The following CHD3 variants were observed in gnomAD, a reference collection of about 807,000 sequenced individuals.
CHD3 encodes chromodomain helicase DNA binding protein 3.
CHD3 carries 52 observed loss-of-function variants against 248.9 expected under a neutral mutation model. The ratio of observed to expected loss-of-function variants is 0.21; its 90% confidence interval spans 0.17 to 0.26. The LOEUF (loss-of-function observed/expected upper bound fraction) is 0.26, where lower values mean the gene tolerates loss of function less well. Among genes scored for constraint, CHD3 ranks in the 10% least tolerant of loss-of-function variants. The pLI is 1.00. For missense variants in CHD3, 1,482 were observed against 2,605.8 expected, an observed-to-expected ratio of 0.57 and a Z score of 9.39; for synonymous variants, 985 against 985.2, an observed-to-expected ratio of 1.00 and a Z score of 0.00.
In CHD3 at chr17:7,900,648, G is replaced by A. The variant is rs1220056044; in HGVS notation, c.2895G>A (p.Leu965=). 1 of 1,614,108 alleles carries A rather than the reference G, an allele frequency of 6.2e-7. No individual in the cohort carries two copies. Among genetic ancestry groups the A allele is most frequent in the Non-Finnish European group, 8.5e-7 (1 of 1,180,030 alleles). Residue 965 remains leucine, a synonymous_variant, in exon 18 of 40, where the codon CTG becomes CTA. Transcript: ENST00000330494. The surrounding 1 kb of genome is among the most constrained non-coding windows in gnomAD (Gnocchi z 6.5). ...ATGATTTGCTGGGGCCACACATGCTGCGGAGACTCAAGGCAGATGTCTTTA... is the reference window on the plus strand; with the variant it reads ...ATGATTTGCTGGGGCCACACATGCTACGGAGACTCAAGGCAGATGTCTTTA... ...KLHDLLGPHM[L]RRLKADVFKN...
At chr17:7,894,290 T>G in intron 7 of CHD3, 25 bp downstream of exon 7, 1 of 1,607,842 alleles carries the variant, frequency 6.2e-7, no homozygotes, top group Non-Finnish European at 8.5e-7. Flanking sequence ...CTGTGTGTGA[T>G]CCTGTCAGTG....
chr17:7,912,452 G>A lies in CHD3; in HGVS notation c.*867G>A, dbSNP rs536891389. 2 of 151,832 alleles carry A rather than the reference G, an allele frequency of 1.3e-5. No homozygotes were observed. The highest frequency in any genetic ancestry group is 2.9e-5 in the Non-Finnish European group (2 of 68,138). The allele number at this position is 151,832 out of a possible 1,614,324, so 9.4% of individuals were successfully genotyped here. A position where few individuals can be genotyped will look rare whatever the true frequency, so the allele number is the denominator to read the frequency against. On this transcript the variant is annotated 3_prime_UTR_variant, in exon 40 of 40. Transcript: ENST00000330494. ...TACTACCCTCCCTCCTCAAGGCCTG[G>A]ATACAGACTAAATTTGTATAAGTCA...
At position 7,903,084 on chromosome 17, in the gene CHD3, C is replaced by G. The variant is rs1476072310; in HGVS notation, c.3495+23C>G. 3.7e-6 allele frequency: 6 copies of G among 1,606,894 alleles called. No homozygotes were observed. The South Asian group carries it at 5.5e-5, about 15-fold the overall frequency. On this transcript the variant is annotated intron_variant, in intron 22 of 39. Transcript: ENST00000330494. This position sits in a 1 kb window ranked among gnomAD's most constrained non-coding sequence, Gnocchi z 6.8. ...CAGGTGGGAACTCGCATCCTAGAACCCCTGCACCATTTAGCAAGGAGATGT... is the reference window on the plus strand; with the variant it reads ...CAGGTGGGAACTCGCATCCTAGAACGCCTGCACCATTTAGCAAGGAGATGT...
intron 10 of CHD3, among the ~76,000 whole-genome samples, chr17:7,896,486 A>G (rs1288975397): frequency 6.7e-6 from 1 of 148,610 alleles, no homozygotes; most frequent in East Asian, 2.0e-4. Context: ...GCTTACTGCA[A>G]CCTCTGCCTC....
intron 13 of CHD3, 105 bp downstream of exon 13, chr17:7,898,700 C>T: frequency 1.1e-6 from 1 of 869,672 alleles, no homozygotes; most frequent in South Asian, 1.7e-5. Flanking sequence ...CCTCTGTGAA[C>T]AGTAGCTCTT....
At chr17:7,894,289 A>G in intron 7 of CHD3, 24 bp downstream of exon 7, 4 of 1,607,890 alleles carry the variant, frequency 2.5e-6, no homozygotes, top group Non-Finnish European at 3.4e-6. Flanking sequence ...ACTGTGTGTG[A>G]TCCTGTCAGT....
intron 10 of CHD3, among the ~76,000 whole-genome samples, chr17:7,896,656 C>T (rs1443823030): frequency 1.3e-5 from 2 of 149,762 alleles, no homozygotes; most frequent in African/African-American, 4.9e-5. Context: ...CCACCTGCCT[C>T]TGCCTCCCAA....
chr17:7,895,066 G>A lies in CHD3; in HGVS notation c.1419G>A (p.Ala473=), dbSNP rs141080506. The change falls in exon 9 of 40, where the codon GCG becomes GCA. Residue 473 remains alanine (A), a synonymous_variant. Transcript: ENST00000330494. The surrounding 1 kb of genome is among the most constrained non-coding windows in gnomAD (Gnocchi z 4.9). ...GCGGGGAGCTCCTGTGCTGTGACGCGTGCATCTCCTCCTACCACATTCATT... is the reference window on the plus strand; with the variant it reads ...GCGGGGAGCTCCTGTGCTGTGACGCATGCATCTCCTCCTACCACATTCATT... ...KDGGELLCCD[A]CISSYHIHCL... 18 of 1,613,990 alleles carry A rather than the reference G, an allele frequency of 1.1e-5. No individual in the cohort carries two copies. Among genetic ancestry groups the A allele is most frequent in the East Asian group, 8.9e-5 (4 of 44,874 alleles).
In CHD3 at chr17:7,901,013, A is replaced by T. The variant is rs764462143; in HGVS notation, c.3120+20A>T. The T allele has an allele frequency of 1.9e-6, 3 of 1,607,194 alleles. No homozygotes were observed. Among genetic ancestry groups the T allele is most frequent in the Non-Finnish European group, 2.6e-6 (3 of 1,175,380 alleles). On this transcript the variant is annotated intron_variant, in intron 19 of 39. Transcript: ENST00000330494. Reference sequence around the variant, plus strand: ...GCTATGGTAGATACACAGAGCAGGGAGCTGATCGAACGCCCATTCTCAGAA... The same window carrying T: ...GCTATGGTAGATACACAGAGCAGGGTGCTGATCGAACGCCCATTCTCAGAA...
At chr17:7,887,718 G>A (rs1300455190), upstream of CHD3, among the ~76,000 whole-genome samples, 1 of 152,168 alleles carries the variant, frequency 6.6e-6, no homozygotes, top group Admixed American at 6.5e-5. Context: ...CGCTTGCTCG[G>A]GCGGCCAGGC....
intron 21 of CHD3, 34 bp downstream of exon 21, chr17:7,902,761 G>T (rs767153801): frequency 2.5e-5 from 40 of 1,600,740 alleles, no homozygotes; most frequent in Non-Finnish European, 3.4e-5. Context: ...GGTGGGTGTG[G>T]GAGGCCTGAG....
In CHD3 at chr17:7,897,178, T is replaced by A; in HGVS notation, c.1803T>A (p.Asp601Glu). 6.2e-7 allele frequency: 1 copy of A among 1,614,166 alleles called. No homozygotes were observed. The highest frequency in any genetic ancestry group is 1.1e-5 in the South Asian group (1 of 91,082). Reference protein sequence around the residue: ...PPLDYGSGEDDGKSDKRKVKD... With the variant: ...PPLDYGSGEDEGKSDKRKVKD... ...TGGACTATGGCTCCGGCGAGGATGA[T>A]GGGAAGAGCGACAAGCGTAAAGTGA... The change falls in exon 11 of 40, where the codon GAT becomes GAA. Residue 601 changes from aspartate to glutamate, a missense_variant. By Grantham distance (45) the Asp-to-Glu change is conservative (BLOSUM62 2). This residue lies in a region of CHD3 where 127 missense variants were observed against 188.3 expected (regional missense o/e 0.67). Coordinates refer to ENST00000330494, the MANE Select transcript of CHD3 (RefSeq NM_001005273.3). This position sits in a 1 kb window ranked among gnomAD's most constrained non-coding sequence, Gnocchi z 4.8.
In CHD3 at chr17:7,899,528, A is replaced by G; in HGVS notation, c.2529A>G (p.Lys843=). Reference sequence around the variant, plus strand: ...ACAATGCCATCAAAGGGGGCAAGAAAGCTTTTAAGATGAAGGTAAGACCCT... The same window carrying G: ...ACAATGCCATCAAAGGGGGCAAGAAGGCTTTTAAGATGAAGGTAAGACCCT... ...FEDNAIKGGK[K]AFKMKREAQV... Residue 843 remains lysine, a synonymous_variant, in exon 15 of 40, where the codon AAA becomes AAG. Coordinates refer to ENST00000330494, the MANE Select transcript of CHD3 (RefSeq NM_001005273.3). The surrounding 1 kb of genome is among the most constrained non-coding windows in gnomAD (Gnocchi z 6.8). 1 of 1,614,020 alleles carries G rather than the reference A, an allele frequency of 6.2e-7. No individual in the cohort carries two copies. The highest frequency in any genetic ancestry group is 1.1e-5 in the South Asian group (1 of 91,080).
rs573142013 is a variant in CHD3, at chr17:7,893,679, T to C, written c.793+110T>C. 2.6e-6 allele frequency: 4 copies of C among 1,528,706 alleles called. No homozygotes were observed. The Admixed American group carries it at 8.6e-5, about 33-fold the overall frequency. The allele number at this position is 1,528,706 out of a possible 1,614,324, so 94.7% of individuals were successfully genotyped here. ...GCCCTGATTGCTGGAGGAGAGATGCTTTCCAGGAAGTGGGGCTTAGTGAAA... is the reference window on the plus strand; with the variant it reads ...GCCCTGATTGCTGGAGGAGAGATGCCTTCCAGGAAGTGGGGCTTAGTGAAA... On this transcript the variant is annotated intron_variant, in intron 5 of 39. Transcript: ENST00000330494.
chr17:7,888,317 G>A (rs996475612), upstream of CHD3, among the ~76,000 whole-genome samples: 1 of 152,230 alleles, frequency 6.6e-6, no homozygotes, highest in African/African-American at 2.4e-5. Context: ...GGAAACGGAG[G>A]CCTCTGGTGT....
At chr17:7,898,668 G>T (rs973352730) in intron 13 of CHD3, 73 bp downstream of exon 13, 20 of 1,107,472 alleles carry the variant, frequency 1.8e-5, no homozygotes, top group Non-Finnish European at 2.5e-5. Context: ...GCTACTGATG[G>T]AACTTCCCAG....
At position 7,910,309 on chromosome 17, in the gene CHD3, C is replaced by T; in HGVS notation, c.5591-119C>T. ...TCTCTGGTTCTTTGACATCTGTGTT[C>T]TCCTCTCTCGCTCTTTTTCTGCCTG... On this transcript the variant is annotated intron_variant, in intron 37 of 39. Transcript: ENST00000330494. The surrounding 1 kb of genome is among the most constrained non-coding windows in gnomAD (Gnocchi z 4.7). The T allele has an allele frequency of 8.3e-7, 1 of 1,205,296 alleles. No homozygotes were observed. Among genetic ancestry groups the T allele is most frequent in the Non-Finnish European group, 1.2e-6 (1 of 818,666 alleles). 74.7% of individuals were successfully genotyped at this position (1,205,296 alleles called of 1,614,324 possible). A position where few individuals can be genotyped will look rare whatever the true frequency, so the allele number is the denominator to read the frequency against.
In CHD3 at chr17:7,908,376, T is replaced by C. The variant is rs746170678; in HGVS notation, c.5153-26T>C. 6.3e-7 allele frequency: 1 copy of C among 1,590,086 alleles called. No individual in the cohort carries two copies. Among genetic ancestry groups the C allele is most frequent in the East Asian group, 2.2e-5 (1 of 44,662 alleles). On this transcript the variant is annotated intron_variant, in intron 34 of 39. Transcript: ENST00000330494. This position sits in a 1 kb window ranked among gnomAD's most constrained non-coding sequence, Gnocchi z 5.8. ...GTGCAGTCTGCAAAACCCTGTTACC[T>C]CTTCTGTCTGCTGCCTTCTTTGCAG... is the stretch of plus-strand genomic sequence containing the variant.
chr17:7,897,415 C>T lies in CHD3; in HGVS notation c.1919+121C>T. ...ATTGATCTAACCTTGATAACCTCTG[C>T]TGTAGCTCCAGCCTTTCTGGCCTTG... On this transcript the variant is annotated intron_variant, in intron 11 of 39. Coordinates refer to ENST00000330494, the MANE Select transcript of CHD3 (RefSeq NM_001005273.3). This position sits in a 1 kb window ranked among gnomAD's most constrained non-coding sequence, Gnocchi z 4.8. 1.1e-6 allele frequency: 1 copy of T among 877,020 alleles called. No individual in the cohort carries two copies. The highest frequency in any genetic ancestry group is 1.8e-6 in the Non-Finnish European group (1 of 567,434). 54.3% of individuals were successfully genotyped at this position (877,020 alleles called of 1,614,324 possible).
Sources: gnomAD v4.1 joint callset for allele counts (sites outside exome capture counted in the v4.1 genomes callset) on GRCh38, gnomAD v4.1.1 for gene constraint, gnomAD v4.1.1 regional missense constraint, Gnocchi (gnomAD v3.1) non-coding constraint, MANE v1.5 for transcripts, NCBI Gene and HGNC (gene_info 2026-07-23, HGNC 2026-07-21) for gene names.